The following STON2 variants were observed in gnomAD, a reference collection of about 807,000 sequenced individuals.
STON2 encodes the protein stonin-2.
A neutral mutation model predicts 65.7 loss-of-function variants in STON2; 29 were observed. The ratio of observed to expected loss-of-function variants is 0.44; its 90% confidence interval spans 0.33 to 0.60. STON2 has a LOEUF of 0.60. Among genes scored for constraint, STON2 ranks in the 20% least tolerant of loss-of-function variants. STON2 has a pLI of 0.03. For missense variants in STON2, 1,054 were observed against 1,118.1 expected (o/e 0.94, Z 0.82); for synonymous variants, 404 against 414.2 (o/e 0.98, Z 0.30).
In STON2 at chr14:81,273,565, G is replaced by A. The variant is rs116408038; in HGVS notation, c.2582-2693C>T. ...GATTAAGAAAAACTCTTGGGATGAA[G>A]GTAGGAGGGGTCCTTGGAGAGCTCA... On this transcript the variant is annotated intron_variant, in intron 6 of 7. Transcript: ENST00000614646. 9.8e-3 allele frequency among the ~76,000 whole-genome samples: 1,496 copies of A among 152,272 alleles called. 27 individuals are homozygous for A. Among genetic ancestry groups the A allele is most frequent in the African/African-American group, 0.035 (1,436 of 41,548 alleles).
intron 4 of STON2, among the ~76,000 whole-genome samples, chr14:81,356,220 G>A (rs1468424064): frequency 1.4e-4 from 21 of 152,072 alleles, no homozygotes; most frequent in African/African-American, 4.3e-4. Context: ...AGCATGAAGC[G>A]TTGTTGAATT....
In STON2 at chr14:81,262,147, C is replaced by T. The variant is rs1365966610; in HGVS notation, c.*6267G>A. 3 of 985,188 alleles carry T rather than the reference C, an allele frequency of 3.0e-6. No homozygotes were observed. Among genetic ancestry groups the T allele is most frequent in the East Asian group, 2.3e-4 (2 of 8,834 alleles). The allele number at this position is 985,188 out of a possible 1,614,324, so 61.0% of individuals were successfully genotyped here. On this transcript the variant is annotated 3_prime_UTR_variant, in exon 8 of 8. Coordinates refer to ENST00000614646, the MANE Select transcript of STON2 (RefSeq NM_001394390.1). ...AGAAACAATTAATCCAACTTCCTCA[C>T]TTTTTTGTCTCAGGAAACTGAAGCC...
At chr14:81,392,823 T>A (rs966785829) in intron 3 of STON2, among the ~76,000 whole-genome samples, 1 of 152,216 alleles carries the variant, frequency 6.6e-6, no homozygotes, top group African/African-American at 2.4e-5. Flanking sequence ...AAATTAATAA[T>A]TTTTACTGCC....
intron 2 of STON2, chr14:81,412,850 A>G (rs776734120): frequency 9.9e-6 from 5 of 506,436 alleles, no homozygotes; most frequent in Non-Finnish European, 1.7e-5. Flanking sequence ...GTCAAACATT[A>G]AAAGCTTTCT....
chr14:81,402,527 C>T (rs1284702264), upstream of STON2, among the ~76,000 whole-genome samples: 2 of 152,122 alleles, frequency 1.3e-5, no homozygotes, highest in East Asian at 1.9e-4. Context: ...GAACTGTACC[C>T]TAAGCCGGAA....
intron 5 of STON2, among the ~76,000 whole-genome samples, chr14:81,280,669 A>T (rs557298016): frequency 6.6e-6 from 1 of 152,252 alleles, no homozygotes; most frequent in South Asian, 2.1e-4. Flanking sequence ...TTTCCAAGTA[A>T]TTTATTCAAA....
chr14:81,390,713 T>G (rs1900040638), intron 3 of STON2, among the ~76,000 whole-genome samples: 1 of 152,220 alleles, frequency 6.6e-6, no homozygotes, highest in Non-Finnish European at 1.5e-5. Context: ...ACTTAGTACA[T>G]TAGTTTCCTA....
At chr14:81,316,758 C>T (rs1308109483) in intron 5 of STON2, among the ~76,000 whole-genome samples, 4 of 152,172 alleles carry the variant, frequency 2.6e-5, no homozygotes, top group Non-Finnish European at 5.9e-5. Context: ...TGGTGGCTCA[C>T]GCCTGTAATA....
At chr14:81,298,414 T>TC (rs1555396820) in intron 5 of STON2, among the ~76,000 whole-genome samples, 3 of 111,896 alleles carry the variant, frequency 2.7e-5, no homozygotes, top group African/African-American at 3.7e-5. Context: ...CTGCTTCAGA[T>TC]GGGGGGGGGG....
Position 81,333,023 on chromosome 14 carries a change from T to TC in STON2, c.572-8837dup. ...GTCCCCCTGACTTTCCTCATTCTGTTCTTGTGTCCCTCTTGTTGCTTTCTT... is the reference window on the plus strand; with the variant it reads ...GTCCCCCTGACTTTCCTCATTCTGTTCCTTGTGTCCCTCTTGTTGCTTTCTT... On this transcript the variant is annotated intron_variant, in intron 4 of 7. Coordinates refer to ENST00000614646, the MANE Select transcript of STON2 (RefSeq NM_001394390.1). 1.2e-5 allele frequency: 7 copies of TC among 582,324 alleles called. No homozygotes were observed. The Admixed American group carries it at 1.7e-4, about 14-fold the overall frequency. 36.1% of individuals were successfully genotyped at this position (582,324 alleles called of 1,614,324 possible).
At chr14:81,302,059 G>A (rs961126623) in intron 5 of STON2, among the ~76,000 whole-genome samples, 1 of 152,158 alleles carries the variant, frequency 6.6e-6, no homozygotes, top group African/African-American at 2.4e-5. Context: ...AATCAGAGTG[G>A]TTTATTAGAA....
intron 4 of STON2, among the ~76,000 whole-genome samples, chr14:81,369,523 A>G (rs1487483710): frequency 6.6e-6 from 1 of 152,200 alleles, no homozygotes; most frequent in Non-Finnish European, 1.5e-5. Context: ...CAAAGCAACA[A>G]GAACCTTGCA....
At position 81,264,153 on chromosome 14, in the gene STON2, G is replaced by A. The variant is rs181976980; in HGVS notation, c.*4261C>T. The A allele has an allele frequency of 1.5e-5, 15 of 985,406 alleles. No individual in the cohort carries two copies. The Admixed American group carries it at 8.0e-4, about 52-fold the overall frequency. 61.0% of individuals were successfully genotyped at this position (985,406 alleles called of 1,614,324 possible). ...CAATCAATCACCGTGACTATGGACA[G>A]CATCTATGCTACTATGCTTTGGGGC... On this transcript the variant is annotated 3_prime_UTR_variant, in exon 8 of 8. Coordinates refer to ENST00000614646, the MANE Select transcript of STON2 (RefSeq NM_001394390.1).
chr14:81,375,831 G>C (rs1316828216), intron 3 of STON2, among the ~76,000 whole-genome samples: 2 of 150,918 alleles, frequency 1.3e-5, no homozygotes, highest in African/African-American at 4.9e-5. Flanking sequence ...TTGGTATACA[G>C]ACCACAAATA....
chr14:81,262,502 A>T lies in STON2; in HGVS notation c.*5912T>A. ...TTAAGAGATGGCTTCTAGTTCAAGT[A>T]TTTTGAGGCTTGGTACCCAATGCTG... On this transcript the variant is annotated 3_prime_UTR_variant, in exon 8 of 8. Coordinates refer to ENST00000614646, the MANE Select transcript of STON2 (RefSeq NM_001394390.1). 7 of 985,334 alleles carry T rather than the reference A, an allele frequency of 7.1e-6. 1 individual carries two copies. The South Asian group carries it at 3.3e-4, about 46-fold the overall frequency. The allele number at this position is 985,334 out of a possible 1,614,324, so 61.0% of individuals were successfully genotyped here. A position where few individuals can be genotyped will look rare whatever the true frequency, so the allele number is the denominator to read the frequency against.
intron 5 of STON2, among the ~76,000 whole-genome samples, chr14:81,314,838 AC>A (rs1271251523): frequency 6.6e-6 from 1 of 151,694 alleles, no homozygotes; most frequent in African/African-American, 2.4e-5. Flanking sequence ...TAAAAATAAT[AC>A]CTCTTTGTTT....
chr14:81,398,609 TA>T (rs1566943646), intron 1 of STON2, 29 bp from the exon 2 acceptor site: 1 of 465,378 alleles, frequency 2.1e-6, no homozygotes. Context: ...AACAAAAAAT[TA>T]AAAAGGATAA....
In STON2 at chr14:81,277,481, C is replaced by T. The variant is rs36113401; in HGVS notation, c.2001G>A (p.Glu667=). 2,974 of 1,614,138 alleles carry T rather than the reference C, an allele frequency of 1.8e-3. 48 individuals are homozygous for T. The African/African-American group carries it at 0.035, about 19-fold the overall frequency. The change falls in exon 6 of 8, where the codon GAG becomes GAA. Residue 667 remains glutamate, a synonymous_variant. Transcript: ENST00000614646. ...HILSFLSGLA[E]CRLGLNDILV... is the part of the protein sequence containing the mutation. Reference sequence around the variant, plus strand: ...GGATGTCATTGAGGCCCAGGCGGCACTCTGCGAGCCCAGACAGGAAACTCA... The same window carrying T: ...GGATGTCATTGAGGCCCAGGCGGCATTCTGCGAGCCCAGACAGGAAACTCA...
chr14:81,379,646 A>G (rs1899419352), intron 3 of STON2, among the ~76,000 whole-genome samples: 1 of 152,200 alleles, frequency 6.6e-6, no homozygotes, highest in Admixed American at 6.5e-5. Context: ...ATAAAAACAG[A>G]TACACAGACC....
Sources: allele counts gnomAD v4.1 joint callset (sites outside exome capture counted in the v4.1 genomes callset), GRCh38; gene constraint gnomAD v4.1.1; transcripts MANE v1.5; gene names NCBI Gene and HGNC (gene_info 2026-07-23, HGNC 2026-07-21).